The following ARHGAP22 variants were observed in gnomAD, a reference collection of about 807,000 sequenced individuals.
The protein encoded by ARHGAP22 is Rho GTPase activating protein 22.
Under a neutral mutation model 59.1 loss-of-function variants are expected in ARHGAP22, and 48 were observed. The observed-to-expected ratio is 0.81, with a 90% CI of 0.64 to 1.03. ARHGAP22 has a LOEUF of 1.03. Among genes scored for constraint, ARHGAP22 ranks in the 50% least tolerant of loss-of-function variants. The probability of loss-of-function intolerance (pLI) is 0.00; values close to 1 mark genes in which losing one functional copy is unlikely to be tolerated. For synonymous variants in ARHGAP22, 445 were observed against 416.4 expected (o/e 1.07, Z -0.84); for missense variants, 1,015 against 958.7 (o/e 1.06, Z -0.78).
At chr10:48,521,644 C>A (rs2053818058) in intron 3 of ARHGAP22, among the ~76,000 whole-genome samples, 1 of 152,218 alleles carries the variant, frequency 6.6e-6, no homozygotes, top group Non-Finnish European at 1.5e-5. Context: ...CATCTCTAGG[C>A]TAGAGAGTCA....
intron 2 of ARHGAP22, among the ~76,000 whole-genome samples, chr10:48,567,050 A>C (rs747395905): frequency 9.2e-5 from 14 of 152,162 alleles, no homozygotes; most frequent in Non-Finnish European, 1.5e-4. Context: ...AACCCCAGGG[A>C]GTGCCCTTTT....
intron 3 of ARHGAP22, among the ~76,000 whole-genome samples, chr10:48,512,285 A>G (rs1301819131): frequency 1.3e-5 from 2 of 152,256 alleles, no homozygotes; most frequent in Middle Eastern, 3.2e-3. Flanking sequence ...TGAAACAGAT[A>G]CAAGAGCGCA....
At chr10:48,435,089 C>T in the ARHGAP22 span, 1 of 1,282,930 alleles carries the variant, frequency 7.8e-7, no homozygotes, top group Middle Eastern at 2.4e-4. Context: ...GATAGAACTA[C>T]TTTGAAAACA....
At position 48,646,417 on chromosome 10, in the gene ARHGAP22, C is replaced by A. The variant is rs555217791; in HGVS notation, c.52+5817G>T. On this transcript the variant is annotated intron_variant, in intron 1 of 9. Coordinates refer to the ARHGAP22 transcript ENST00000435790. ...TGTAAAAGAATAAAGTTACACACTA[C>A]CTATTTTTACATTTTCTCCAAAGTT... Among the ~76,000 whole-genome samples, 25 of 152,270 alleles carry A rather than the reference C, an allele frequency of 1.6e-4. 1 individual carries two copies. In the South Asian group the frequency reaches 4.1e-3, roughly 25 times the overall value.
At chr10:48,539,291 A>ATTTTTTTTTTTTTTTTTTTTT (rs56801787) in intron 3 of ARHGAP22, among the ~76,000 whole-genome samples, 5 of 136,288 alleles carry the variant, frequency 3.7e-5, no homozygotes, top group African/African-American at 1.1e-4. Flanking sequence ...GAAGGGTAAC[A>ATTTTTTTTTTTTTTTTTTTTT]TTTTTTTTTT....
intron 1 of ARHGAP22, among the ~76,000 whole-genome samples, chr10:48,587,616 T>G (rs570378383): frequency 6.6e-6 from 1 of 152,212 alleles, no homozygotes; most frequent in Non-Finnish European, 1.5e-5. Context: ...TTATCTCTTA[T>G]CAGAGAATCT....
intron 7 of ARHGAP22, among the ~76,000 whole-genome samples, chr10:48,453,746 C>T (rs950161154): frequency 7.2e-5 from 11 of 152,228 alleles, no homozygotes; most frequent in Non-Finnish European, 1.6e-4. Flanking sequence ...TTCCCCTTCT[C>T]AGTGTCTAGG....
At chr10:48,434,599 C>T in the ARHGAP22 span, among the ~76,000 whole-genome samples, 1 of 152,168 alleles carries the variant, frequency 6.6e-6, no homozygotes, top group East Asian at 1.9e-4. Flanking sequence ...GCTGCAGGAC[C>T]ATTTCTAAAT....
intron 3 of ARHGAP22, among the ~76,000 whole-genome samples, chr10:48,526,006 A>G (rs1264063618): frequency 6.6e-6 from 1 of 152,192 alleles, no homozygotes; most frequent in Non-Finnish European, 1.5e-5. Context: ...TTCTTCATGT[A>G]AGGTTCTTTG....
At chr10:48,432,904 C>T in the ARHGAP22 span, among the ~76,000 whole-genome samples, 2 of 152,160 alleles carry the variant, frequency 1.3e-5, no homozygotes, top group Non-Finnish European at 2.9e-5. Flanking sequence ...TAAAAATATT[C>T]TGCTCTTGAT....
At chr10:48,611,874 C>G (rs1466050761) in intron 1 of ARHGAP22, among the ~76,000 whole-genome samples, 1 of 74,716 alleles carries the variant, frequency 1.3e-5, no homozygotes, top group African/African-American at 5.2e-5. Flanking sequence ...CTCCCCTCCC[C>G]TCCCCTCCCC....
At chr10:48,591,279 T>G (rs904349277) in intron 1 of ARHGAP22, among the ~76,000 whole-genome samples, 2 of 152,134 alleles carry the variant, frequency 1.3e-5, no homozygotes, top group Non-Finnish European at 2.9e-5. Context: ...GCAAATGGAA[T>G]TCAAGTACCC....
chr10:48,462,069 G>A lies in ARHGAP22; in HGVS notation c.452-2178C>T, dbSNP rs563504828. 5.9e-5 allele frequency among the ~76,000 whole-genome samples: 9 copies of A among 152,338 alleles called. No individual in the cohort carries two copies. The South Asian group carries it at 6.2e-4, about 11-fold the overall frequency. ...TCTTCCTTTGAGAACACATGCCCGCGTGGGCTACACCTGCTGGATACCAGC... is the reference window on the plus strand; with the variant it reads ...TCTTCCTTTGAGAACACATGCCCGCATGGGCTACACCTGCTGGATACCAGC... On this transcript the variant is annotated intron_variant, in intron 4 of 9. Transcript: ENST00000249601.
intron 2 of ARHGAP22, chr10:48,574,779 C>CGCTATCTG (rs899079617): frequency 6.6e-6 from 1 of 152,170 alleles, no homozygotes; most frequent in African/African-American, 2.4e-5. Context: ...AGCTTTCAGG[C>CGCTATCTG]GCTATCTGAG....
intron 4 of ARHGAP22, among the ~76,000 whole-genome samples, chr10:48,477,759 T>C (rs1035399639): frequency 6.6e-6 from 1 of 152,242 alleles, no homozygotes; most frequent in Non-Finnish European, 1.5e-5. Flanking sequence ...CTATGTTCAC[T>C]GGTCATGAGG....
chr10:48,546,121 G>A (rs538154782), intron 3 of ARHGAP22, among the ~76,000 whole-genome samples: 17 of 152,294 alleles, frequency 1.1e-4, no homozygotes, highest in Middle Eastern at 3.4e-3. Context: ...GTAAATGCAC[G>A]AAAGACTCAG....
intron 3 of ARHGAP22, chr10:48,511,025 C>T (rs1396041041): frequency 2.0e-5 from 3 of 152,302 alleles, no homozygotes; most frequent in African/African-American, 7.2e-5. Flanking sequence ...CCTGGTGGCT[C>T]TTCACTGGAA....
chr10:48,564,409 T>C (rs2057913767), intron 2 of ARHGAP22, among the ~76,000 whole-genome samples: 1 of 152,240 alleles, frequency 6.6e-6, no homozygotes, highest in Admixed American at 6.5e-5. Context: ...CAGTGTCTGT[T>C]ACTGTCCTCT....
chr10:48,431,592 C>T, the ARHGAP22 span, among the ~76,000 whole-genome samples: 1 of 152,130 alleles, frequency 6.6e-6, no homozygotes, highest in Admixed American at 6.5e-5. Context: ...ATGATCTTGA[C>T]AGTCTTTACT....
Sources: allele counts gnomAD v4.1 joint callset (sites outside exome capture counted in the v4.1 genomes callset), GRCh38; gene constraint gnomAD v4.1.1; transcripts MANE v1.5; gene names NCBI Gene and HGNC (gene_info 2026-07-23, HGNC 2026-07-21).